ATL2: variants seen among roughly 807,000 people sequenced by gnomAD.
ATL2 encodes atlastin-2.
In ATL2, 31 loss-of-function variants were observed where a neutral mutation model predicts 73.9. That is an observed-to-expected ratio of 0.42 (90% CI 0.32 to 0.57). The LOEUF (loss-of-function observed/expected upper bound fraction) is 0.57. ATL2 is among the 20% of genes least tolerant of loss of function. The pLI is 0.14. For missense variants in ATL2, 738 were observed against 702.6 expected (o/e 1.05, Z -0.57); for synonymous variants, 291 against 237.5 (o/e 1.23, Z -2.07).
At chr2:38,361,568 TTCA>T (rs1392607605) in intron 1 of ATL2, among the ~76,000 whole-genome samples, 1 of 152,108 alleles carries the variant, frequency 6.6e-6, no homozygotes, top group Non-Finnish European at 1.5e-5. Flanking sequence ...GGGTGAACCA[TTCA>T]ACTGCACAGT....
chr2:38,365,634 C>CA (rs894833444), intron 1 of ATL2, among the ~76,000 whole-genome samples: 4 of 151,668 alleles, frequency 2.6e-5, no homozygotes, highest in African/African-American at 9.7e-5. Context: ...ACTAAAAATA[C>CA]AAAAAAATTA....
intron 2 of ATL2, among the ~76,000 whole-genome samples, chr2:38,337,193 C>T (rs1451153536): frequency 6.6e-6 from 1 of 151,538 alleles, no homozygotes; most frequent in Non-Finnish European, 1.5e-5. Context: ...AAACGAAAAG[C>T]AGTTGAGGTG....
At chr2:38,317,044 T>A (rs1325502750) in intron 4 of ATL2, among the ~76,000 whole-genome samples, 1 of 152,152 alleles carries the variant, frequency 6.6e-6, no homozygotes, top group Non-Finnish European at 1.5e-5. Flanking sequence ...TTAGCTCAGG[T>A]TAACAGCCAA....
intron 3 of ATL2, 30 bp downstream of exon 3, chr2:38,318,855 C>T (rs921052733): frequency 1.9e-6 from 3 of 1,598,262 alleles, no homozygotes; most frequent in Non-Finnish European, 2.6e-6. Context: ...AGAAAGAATA[C>T]AGGGTAGAAA....
At chr2:38,348,404 T>C (rs1285069737) in intron 1 of ATL2, among the ~76,000 whole-genome samples, 2 of 151,314 alleles carry the variant, frequency 1.3e-5, no homozygotes, top group Non-Finnish European at 2.9e-5. Context: ...AAACGGAGGT[T>C]GCGGTGAGCC....
At chr2:38,307,938 C>G (rs1260997969) in intron 9 of ATL2, among the ~76,000 whole-genome samples, 1 of 151,924 alleles carries the variant, frequency 6.6e-6, no homozygotes, top group Non-Finnish European at 1.5e-5. Flanking sequence ...TGTTTTTATC[C>G]AAAAGACAGG....
chr2:38,328,884 A>G (rs1392660401), intron 2 of ATL2, among the ~76,000 whole-genome samples: 2 of 151,818 alleles, frequency 1.3e-5, no homozygotes, highest in Non-Finnish European at 2.9e-5. Flanking sequence ...TCAGTGAAAC[A>G]AAAAACTGAT....
chr2:38,375,386 G>A (rs1483899156), intron 1 of ATL2, among the ~76,000 whole-genome samples: 1 of 152,212 alleles, frequency 6.6e-6, no homozygotes, highest in Admixed American at 6.5e-5. Context: ...TGGCTATCAA[G>A]TGAAGGTCTT....
chr2:38,347,558 C>T (rs76181533), intron 1 of ATL2, among the ~76,000 whole-genome samples: 5,393 of 151,974 alleles, frequency 0.035, 121 homozygotes, highest in African/African-American at 0.061. Context: ...CTAAAACAAC[C>T]TTTTTTCATT....
At position 38,295,965 on chromosome 2, in the gene ATL2, G is replaced by T; in HGVS notation, c.*29C>A. 6.8e-7 allele frequency: 1 copy of T among 1,472,870 alleles called. No individual in the cohort carries two copies. Among genetic ancestry groups the T allele is most frequent in the Non-Finnish European group, 9.2e-7 (1 of 1,085,756 alleles). 91.2% of individuals were successfully genotyped at this position (1,472,870 alleles called of 1,614,324 possible). ...TTGTACAGCAAGCATGAAAAAAAAA[G>T]AGAGTGGAGTCCGTGAGGAGATGAA... On this transcript the variant is annotated 3_prime_UTR_variant, in exon 13 of 13. Coordinates refer to ENST00000378954, the MANE Select transcript of ATL2 (RefSeq NM_001135673.4).
chr2:38,354,029 T>A (rs1036923838), intron 1 of ATL2: 1 of 292,850 alleles, frequency 3.4e-6, no homozygotes, highest in African/African-American at 2.4e-5. Flanking sequence ...CCCGTCTCTA[T>A]GAAAATACAA....
chr2:38,357,853 TCACTCC>T (rs1670768105), intron 1 of ATL2, among the ~76,000 whole-genome samples: 1 of 152,064 alleles, frequency 6.6e-6, no homozygotes, highest in South Asian at 2.1e-4. Context: ...AACTATTACA[TCACTCC>T]CACAGGCTTT....
At position 38,338,540 on chromosome 2, in the gene ATL2, GAATA is replaced by G. The variant is rs34379793; in HGVS notation, c.363+4724_363+4727del. Among the ~76,000 whole-genome samples the G allele has an allele frequency of 4.0e-5, 6 of 151,556 alleles. No individual in the cohort carries two copies. In the East Asian group the frequency reaches 7.8e-4, roughly 20 times the overall value. On this transcript the variant is annotated intron_variant, in intron 2 of 12. Coordinates refer to ENST00000378954, the MANE Select transcript of ATL2 (RefSeq NM_001135673.4). ...CCCACACTGATATAAAGGATGGAATGAATAAATAAATAAATAGGGAGAAGATACA... is the reference window on the plus strand; with the variant it reads ...CCCACACTGATATAAAGGATGGAATGAATAAATAAATAGGGAGAAGATACA...
At chr2:38,324,925 T>G (rs980911752) in intron 2 of ATL2, among the ~76,000 whole-genome samples, 4 of 152,178 alleles carry the variant, frequency 2.6e-5, no homozygotes, top group Middle Eastern at 3.2e-3. Flanking sequence ...GAGCTTCAGC[T>G]GGGGAAGATG....
intron 2 of ATL2, among the ~76,000 whole-genome samples, chr2:38,325,350 C>T (rs1668538203): frequency 6.6e-6 from 1 of 152,110 alleles, no homozygotes; most frequent in Non-Finnish European, 1.5e-5. Flanking sequence ...TTGAGGTCAG[C>T]TTACCAGCAA....
rs377334114 is a variant in ATL2, at chr2:38,377,137, C to T, written c.118+6G>A. 1.1e-5 allele frequency: 17 copies of T among 1,609,680 alleles called. No homozygotes were observed. The highest frequency in any genetic ancestry group is 1.4e-5 in the Non-Finnish European group (16 of 1,178,970). ...GCCCCGCGGCCTCTGCCTCGCTGGC[C>T]CGTACCTAGGGAGGTCGTGGACGAG... On this transcript the variant is annotated splice_donor_region_variant and intron_variant, in intron 1 of 12. Coordinates refer to ENST00000378954, the MANE Select transcript of ATL2 (RefSeq NM_001135673.4).
chr2:38,334,116 G>GAAC (rs1026631628), intron 2 of ATL2, among the ~76,000 whole-genome samples: 1 of 142,816 alleles, frequency 7.0e-6, no homozygotes, highest in African/African-American at 2.7e-5. Flanking sequence ...TGCAACCTCT[G>GAAC]CCTCCAGGGT....
chr2:38,346,135 G>A (rs955347428), intron 1 of ATL2, among the ~76,000 whole-genome samples: 1 of 152,120 alleles, frequency 6.6e-6, no homozygotes, highest in Non-Finnish European at 1.5e-5. Flanking sequence ...ATAGAGATAC[G>A]TCTACGTGTC....
intron 1 of ATL2, among the ~76,000 whole-genome samples, chr2:38,373,120 C>T (rs549807139): frequency 1.6e-4 from 25 of 152,226 alleles, no homozygotes; most frequent in Admixed American, 5.9e-4. Flanking sequence ...ATTATCACTA[C>T]CTTATATGAG....
Sources: allele counts gnomAD v4.1 joint callset (sites outside exome capture counted in the v4.1 genomes callset), GRCh38; gene constraint gnomAD v4.1.1; transcripts MANE v1.5; gene names NCBI Gene and HGNC (gene_info 2026-07-23, HGNC 2026-07-21).